The following SYNJ1 variants were observed in gnomAD, a reference collection of about 807,000 sequenced individuals.
The protein encoded by SYNJ1 is polyphosphatidylinositol phosphatase SYNJ1.
A neutral mutation model predicts 168.2 loss-of-function variants in SYNJ1; 78 were observed. The ratio of observed to expected loss-of-function variants is 0.46; its 90% CI spans 0.39 to 0.56. The LOEUF is 0.56. Ranked by LOEUF, SYNJ1 falls within the 20% of genes least tolerant of loss-of-function variation. The probability of loss-of-function intolerance (pLI) is 0.00; values close to 1 mark genes in which losing one functional copy is unlikely to be tolerated. For synonymous variants in SYNJ1, 539 were observed against 548.6 expected, an observed-to-expected ratio of 0.98 and a Z score of 0.24; for missense variants, 1,303 against 1,597.6, an observed-to-expected ratio of 0.82 and a Z score of 3.14.
In SYNJ1 at chr21:32,687,208, C is replaced by T. The variant is rs186104011; in HGVS notation, c.852-134G>A. The stretch of plus-strand genomic sequence containing the variant: ...AGAATTGGAAAACTGGGTGCGAATT[C>T]ATTGTACATGGTCTCAAAGCCGAAT... On this transcript the variant is annotated intron_variant, in intron 7 of 32. Transcript: ENST00000674351. 25 of 509,684 alleles carry T rather than the reference C, an allele frequency of 4.9e-5. No individual in the cohort carries two copies. The Admixed American group carries it at 1.1e-3, about 23-fold the overall frequency. The allele number at this position is 509,684 out of a possible 1,614,324, so 31.6% of individuals were successfully genotyped here.
intron 2 of SYNJ1, among the ~76,000 whole-genome samples, chr21:32,715,658 A>G (rs2043000211): frequency 6.6e-6 from 1 of 152,210 alleles, no homozygotes; most frequent in African/African-American, 2.4e-5. Context: ...GCTAAGAGCT[A>G]GTTATATAAG....
intron 2 of SYNJ1, 25 bp from the exon 3 acceptor site, chr21:32,702,072 G>T: frequency 6.6e-7 from 1 of 1,508,110 alleles, no homozygotes; most frequent in Non-Finnish European, 9.0e-7. Context: ...TTTAGTTTAA[G>T]AAAAATGACC....
At chr21:32,692,773 C>A (rs2042071476) in intron 6 of SYNJ1, among the ~76,000 whole-genome samples, 9 of 152,010 alleles carry the variant, frequency 5.9e-5, no homozygotes. Context: ...TAACACAGGC[C>A]AAGTACAGTG....
chr21:32,709,069 G>A (rs771002333), intron 2 of SYNJ1, among the ~76,000 whole-genome samples: 117 of 152,284 alleles, frequency 7.7e-4, no homozygotes, highest in Non-Finnish European at 7.4e-4. Flanking sequence ...TCAATGGCTT[G>A]TTAATCACAG....
At chr21:32,716,802 T>C (rs2043039257) in intron 2 of SYNJ1, among the ~76,000 whole-genome samples, 1 of 152,218 alleles carries the variant, frequency 6.6e-6, no homozygotes, top group Non-Finnish European at 1.5e-5. Flanking sequence ...GTCCTGCAGT[T>C]CACTGATGCT....
At chr21:32,712,586 A>G (rs563546692) in intron 2 of SYNJ1, among the ~76,000 whole-genome samples, 1 of 152,276 alleles carries the variant, frequency 6.6e-6, no homozygotes, top group East Asian at 1.9e-4. Flanking sequence ...AGAAGTATTT[A>G]TTGAATGCCT....
chr21:32,701,245 A>G (rs1483570350), intron 3 of SYNJ1, among the ~76,000 whole-genome samples: 1 of 152,196 alleles, frequency 6.6e-6, no homozygotes, highest in Non-Finnish European at 1.5e-5. Flanking sequence ...TACTCAAAGT[A>G]TGGTCCATGA....
chr21:32,686,509 GTTCT>G (rs1232734575), intron 8 of SYNJ1, among the ~76,000 whole-genome samples: 1 of 152,050 alleles, frequency 6.6e-6, no homozygotes, highest in Non-Finnish European at 1.5e-5. Flanking sequence ...CAATTTTGGG[GTTCT>G]TTTTGACATG....
intron 32 of SYNJ1, among the ~76,000 whole-genome samples, chr21:32,633,819 CAG>C (rs1250038424): frequency 9.2e-5 from 14 of 152,146 alleles, no homozygotes; most frequent in African/African-American, 3.1e-4. Flanking sequence ...TTGGTTGAAA[CAG>C]TATATTTTTC....
intron 6 of SYNJ1, among the ~76,000 whole-genome samples, chr21:32,689,542 G>A (rs1443756386): frequency 1.3e-5 from 2 of 152,180 alleles, no homozygotes; most frequent in East Asian, 1.9e-4. Context: ...TGATCTGCCC[G>A]CCTCAGCCTC....
rs1397091865 is a variant in SYNJ1, at chr21:32,630,221, GGA to G, written c.*1582_*1583del. ...TTTCCAGCTGCAAGAACCTCCTCCTGGAGAAAAGCGTATGAAGGTGCTGGAGT... is the reference window on the plus strand; with the variant it reads ...TTTCCAGCTGCAAGAACCTCCTCCTGGAAAAGCGTATGAAGGTGCTGGAGT... On this transcript the variant is annotated 3_prime_UTR_variant, in exon 33 of 33. Transcript: ENST00000674351. 6.6e-6 allele frequency: 1 copy of G among 152,190 alleles called. No homozygotes were observed. Among genetic ancestry groups the G allele is most frequent in the Non-Finnish European group, 1.5e-5 (1 of 68,054 alleles). 9.4% of individuals were successfully genotyped at this position (152,190 alleles called of 1,614,324 possible).
chr21:32,662,701 A>G (rs2040763878), intron 18 of SYNJ1, among the ~76,000 whole-genome samples: 1 of 152,204 alleles, frequency 6.6e-6, no homozygotes, highest in African/African-American at 2.4e-5. Context: ...ATGACCAAAA[A>G]TAAGTATATT....
chr21:32,727,479 C>G (rs2043517448), intron 1 of SYNJ1, among the ~76,000 whole-genome samples: 1 of 152,140 alleles, frequency 6.6e-6, no homozygotes, highest in African/African-American at 2.4e-5. Flanking sequence ...TCTCCTGCCC[C>G]GGGCTACCGC....
At chr21:32,643,613 T>C (rs2039944296) in intron 26 of SYNJ1, among the ~76,000 whole-genome samples, 156 bp from the exon 27 acceptor site, 1 of 152,216 alleles carries the variant, frequency 6.6e-6, no homozygotes. Flanking sequence ...CAAACCAAAG[T>C]GACTTTAGAT....
Position 32,631,541 on chromosome 21 carries a change from A to G in SYNJ1, c.*264T>C, listed in dbSNP as rs777083025. On this transcript the variant is annotated 3_prime_UTR_variant, in exon 33 of 33. Coordinates refer to ENST00000674351, the MANE Select transcript of SYNJ1 (RefSeq NM_203446.3). ...TCAAGCCAGTAATAAATGGGTTTGG[A>G]GAACTTCGCATATTTTCCTGGGATT... 6.2e-7 allele frequency: 1 copy of G among 1,614,098 alleles called. No homozygotes were observed. Among genetic ancestry groups the G allele is most frequent in the Non-Finnish European group, 8.5e-7 (1 of 1,179,992 alleles).
intron 15 of SYNJ1, among the ~76,000 whole-genome samples, chr21:32,669,722 A>C (rs1189219618): frequency 1.3e-5 from 2 of 152,238 alleles, no homozygotes; most frequent in Admixed American, 1.3e-4. Flanking sequence ...AGAATAAATT[A>C]TCTGTTTTGG....
chr21:32,656,791 C>T lies in SYNJ1; in HGVS notation c.2691G>A (p.Leu897=), dbSNP rs115263361. ...AVQGPPDGTV[L]VSIKSSLPEN... ...CTGGTAAAGAACTTTTGATTGAGAC[C>T]AATACTGTACCATCTGGTGGACCCT... Residue 897 remains leucine, a synonymous_variant, in exon 21 of 33, where the codon TTG becomes TTA. Coordinates refer to ENST00000674351, the MANE Select transcript of SYNJ1 (RefSeq NM_203446.3). 4.7e-5 allele frequency: 76 copies of T among 1,614,024 alleles called. No homozygotes were observed. The East Asian group carries it at 1.6e-3, about 34-fold the overall frequency.
At chr21:32,684,003 A>G (rs1343565091) in intron 10 of SYNJ1, 35 bp downstream of exon 10, 1 of 1,580,580 alleles carries the variant, frequency 6.3e-7, no homozygotes, top group African/African-American at 1.3e-5. Context: ...GAGGCAGATG[A>G]TACAAGGCAC....
rs574893989 is a variant in SYNJ1 at position 32,632,045 on chromosome 21, A to G, written c.*4-244T>C. Among the ~76,000 whole-genome samples the G allele has an allele frequency of 3.3e-5, 5 of 152,320 alleles. No homozygotes were observed. In the South Asian group the frequency reaches 1.0e-3, roughly 32 times the overall value. ...ATTTTTAAATCCCTCAAAATCAAAGAGCTTATTTCATTCATGCAAGTTTTG... is the reference window on the plus strand; with the variant it reads ...ATTTTTAAATCCCTCAAAATCAAAGGGCTTATTTCATTCATGCAAGTTTTG... On this transcript the variant is annotated intron_variant, in intron 32 of 32. Transcript: ENST00000674351.
Sources: allele counts gnomAD v4.1 joint callset (sites outside exome capture counted in the v4.1 genomes callset), GRCh38; gene constraint gnomAD v4.1.1; transcripts MANE v1.5; gene names NCBI Gene and HGNC (gene_info 2026-07-23, HGNC 2026-07-21).